The following DLGAP2 variants were observed in gnomAD, a reference collection of about 807,000 sequenced individuals.
DLGAP2 encodes the protein DLG associated protein 2, also known as disks large-associated protein 2.
DLGAP2 carries 26 observed loss-of-function variants against 100.3 expected under a neutral mutation model. The observed-to-expected ratio is 0.26, with a 90% CI of 0.19 to 0.36. The LOEUF (loss-of-function observed/expected upper bound fraction) is 0.36, where lower values mean the gene tolerates loss of function less well. DLGAP2 is among the 10% of genes least tolerant of loss of function. The pLI is 1.00. For synonymous variants in DLGAP2, 886 were observed against 630.1 expected (o/e 1.41, Z -6.08); for missense variants, 1,858 against 1,453.2 (o/e 1.28, Z -4.53).
At chr8:1,052,063 C>A (rs117467332) in intron 2 of DLGAP2, among the ~76,000 whole-genome samples, 468 of 152,300 alleles carry the variant, frequency 3.1e-3, no homozygotes, top group Non-Finnish European at 5.1e-3. Flanking sequence ...GCCGCCAGCA[C>A]GCGCCTGCCA....
intron 2 of DLGAP2, among the ~76,000 whole-genome samples, chr8:970,892 C>T (rs867245695): frequency 1.3e-5 from 2 of 152,170 alleles, no homozygotes; most frequent in African/African-American, 4.8e-5. Context: ...CGATTATATA[C>T]TTCTAAGAAA....
intron 2 of DLGAP2, among the ~76,000 whole-genome samples, chr8:912,167 C>G (rs1322292804): frequency 5.9e-5 from 9 of 152,174 alleles, no homozygotes; most frequent in Non-Finnish European, 8.8e-5. Context: ...CAGTAATTAC[C>G]CATGCAAACT....
At chr8:1,389,878 C>T (rs1796308866) in intron 3 of DLGAP2, among the ~76,000 whole-genome samples, 1 of 152,056 alleles carries the variant, frequency 6.6e-6, no homozygotes. Context: ...TGGAAGACAA[C>T]AGTGATTGCT....
rs147660553 is a variant in DLGAP2, at chr8:783,822, C to A, written c.18+45997C>A. 8.7e-3 allele frequency among the ~76,000 whole-genome samples: 1,323 copies of A among 152,238 alleles called. 85 individuals are homozygous for A. Among genetic ancestry groups the A allele is most frequent in the Admixed American group, 0.08 (1,221 of 15,280 alleles). On this transcript the variant is annotated intron_variant, in intron 1 of 14. Transcript: ENST00000637795. Reference sequence around the variant, plus strand: ...ACAATGGAGAGTTTGGGGTATCTGTCTCACTGCTGGTGAAGTTAGTGACTC... The same window carrying A: ...ACAATGGAGAGTTTGGGGTATCTGTATCACTGCTGGTGAAGTTAGTGACTC...
intron 1 of DLGAP2, among the ~76,000 whole-genome samples, chr8:760,657 G>T (rs768917601): frequency 1.1e-4 from 16 of 152,278 alleles, no homozygotes; most frequent in Non-Finnish European, 5.9e-5. Context: ...CTGCTCTCAT[G>T]GCATAGTTTC....
intron 3 of DLGAP2, among the ~76,000 whole-genome samples, chr8:1,346,742 A>G (rs1472345428): frequency 1.5e-5 from 2 of 129,222 alleles, no homozygotes; most frequent in South Asian, 2.5e-4. Flanking sequence ...GCTGAATTGC[A>G]CTCACGGTAG....
chr8:1,495,164 TG>T (rs944347283), intron 3 of DLGAP2, among the ~76,000 whole-genome samples: 5 of 152,164 alleles, frequency 3.3e-5, no homozygotes, highest in African/African-American at 1.2e-4. Context: ...TGGAGTCCTG[TG>T]GGTTCATCGT....
rs148590696 is a variant in DLGAP2 at position 743,748 on chromosome 8, A to G, written c.18+5923A>G. Among the ~76,000 whole-genome samples the G allele has an allele frequency of 1.8e-4, 27 of 152,272 alleles. 1 individual carries two copies. In the East Asian group the frequency reaches 3.5e-3, roughly 20 times the overall value. On this transcript the variant is annotated intron_variant, in intron 1 of 14. Transcript: ENST00000637795. ...CCAGCTAATTTTTTGTATTTTTAGT[A>G]GAGATGGGGTTTCACCATGTTGTCC...
At chr8:1,573,755 C>T (rs1802850434) in intron 6 of DLGAP2, among the ~76,000 whole-genome samples, 3 of 152,132 alleles carry the variant, frequency 2.0e-5, no homozygotes. Flanking sequence ...GTGGCCCGCT[C>T]ACTGGTCATC....
At chr8:1,504,445 T>G (rs752786015) in intron 4 of DLGAP2, among the ~76,000 whole-genome samples, 5 of 152,156 alleles carry the variant, frequency 3.3e-5, no homozygotes, top group Non-Finnish European at 5.9e-5. Context: ...AGTTTTCAAG[T>G]AAACAAACCA....
chr8:1,264,399 TG>T (rs1799411250), intron 3 of DLGAP2, among the ~76,000 whole-genome samples: 1 of 152,070 alleles, frequency 6.6e-6, no homozygotes, highest in South Asian at 2.1e-4. Flanking sequence ...AGAAAAGAAC[TG>T]GAAAAACATG....
intron 1 of DLGAP2, 45 bp downstream of exon 1, chr8:737,870 A>G (rs1820359224): frequency 2.7e-6 from 1 of 372,656 alleles, no homozygotes; most frequent in East Asian, 3.9e-5. Context: ...CGGGGCTCCG[A>G]GAGCCGTCGA....
intron 1 of DLGAP2, among the ~76,000 whole-genome samples, chr8:848,412 TGCCTGTTCCAGTGTAGGGTCGTGC>T (rs1797113275): frequency 7.2e-5 from 7 of 97,870 alleles, no homozygotes; most frequent in South Asian, 8.0e-4. Flanking sequence ...GGTCGTGCGG[TGCCTGTTCCAGTGTAGGGTCGTGC>T]GGTGCGTGTT....
In DLGAP2 at chr8:1,244,215, C is replaced by G. The variant is rs547967508; in HGVS notation, c.74-14636C>G. Among the ~76,000 whole-genome samples, 113 of 152,338 alleles carry G rather than the reference C, an allele frequency of 7.4e-4. No individual in the cohort carries two copies. In the South Asian group the frequency reaches 0.014, roughly 19 times the overall value. On this transcript the variant is annotated intron_variant, in intron 2 of 14. Transcript: ENST00000637795. The stretch of plus-strand genomic sequence containing the variant: ...AGAGTGCATTTGTAGGTGCACGTAC[C>G]TGTGTCCTTAGACAGCTTCATTTTG...
Position 1,607,521 on chromosome 8 carries a change from G to A in DLGAP2, c.1443-19219G>A, listed in dbSNP as rs537030900. On this transcript the variant is annotated intron_variant, in intron 6 of 14. Transcript: ENST00000637795. ...ATATAAAGCAATTTGAGGAAAATAA[G>A]ATTTTTAGAAAGACATCGGGCCTGT... Among the ~76,000 whole-genome samples, 5 of 152,334 alleles carry A rather than the reference G, an allele frequency of 3.3e-5. No individual in the cohort carries two copies. The South Asian group carries it at 1.0e-3, about 32-fold the overall frequency.
chr8:1,024,563 C>T (rs1245574161), intron 2 of DLGAP2, among the ~76,000 whole-genome samples: 1 of 152,198 alleles, frequency 6.6e-6, no homozygotes, highest in Non-Finnish European at 1.5e-5. Context: ...CCCCGCTGTG[C>T]CCTCTGTGGT....
At chr8:1,548,468 A>C (rs543497219) in intron 4 of DLGAP2, among the ~76,000 whole-genome samples, 158 bp from the exon 5 acceptor site, 1 of 149,346 alleles carries the variant, frequency 6.7e-6, no homozygotes, top group Non-Finnish European at 1.5e-5. Context: ...GAAAAAAAAA[A>C]AAAAAAAAAA....
intron 3 of DLGAP2, among the ~76,000 whole-genome samples, chr8:1,438,449 T>A (rs6996408): frequency 0.25 from 37,406 of 151,980 alleles, 4,772 homozygotes; most frequent in Middle Eastern, 0.3. Context: ...TAATTTAACT[T>A]AACAGTAACA....
At chr8:822,720 G>A (rs929509046) in intron 1 of DLGAP2, among the ~76,000 whole-genome samples, 4 of 152,218 alleles carry the variant, frequency 2.6e-5, no homozygotes, top group African/African-American at 9.6e-5. Flanking sequence ...AGCTGGTGGT[G>A]TGTGGGGAAG....
Sources: allele counts gnomAD v4.1 joint callset (sites outside exome capture counted in the v4.1 genomes callset), GRCh38; gene constraint gnomAD v4.1.1; transcripts MANE v1.5; gene names NCBI Gene and HGNC (gene_info 2026-07-23, HGNC 2026-07-21).